Variants in CSMD2 observed in about 807,000 individuals in gnomAD.
The protein encoded by CSMD2 is CUB and sushi domain-containing protein 2.
CSMD2 carries 130 observed loss-of-function variants against 398.5 expected under a neutral mutation model. The ratio of observed to expected loss-of-function variants is 0.33; its 90% CI spans 0.28 to 0.38. The LOEUF is 0.38. Ranked by LOEUF, CSMD2 falls within the 10% of genes least tolerant of loss-of-function variation. The pLI, the probability that CSMD2 is intolerant of heterozygous loss-of-function variation, is 1.00. For missense variants in CSMD2, 3,829 were observed against 4,764.9 expected, an observed-to-expected ratio of 0.80 and a Z score of 5.78; for synonymous variants, 1,828 against 1,908.5, an observed-to-expected ratio of 0.96 and a Z score of 1.10.
At chr1:33,791,578 C>T (rs927971791) in intron 11 of CSMD2, among the ~76,000 whole-genome samples, 1 of 152,152 alleles carries the variant, frequency 6.6e-6, no homozygotes, top group Admixed American at 6.5e-5. Context: ...CTCAACCTCC[C>T]AGGCTCAAGC....
At chr1:33,712,716 C>T (rs1407470989) in intron 21 of CSMD2, among the ~76,000 whole-genome samples, 1 of 152,146 alleles carries the variant, frequency 6.6e-6, no homozygotes, top group Admixed American at 6.5e-5. Context: ...GAGAATTTCC[C>T]CCAGAACCAT....
At chr1:33,736,776 T>C (rs1270211024) in intron 15 of CSMD2, among the ~76,000 whole-genome samples, 2 of 152,156 alleles carry the variant, frequency 1.3e-5, no homozygotes, top group Non-Finnish European at 1.5e-5. Flanking sequence ...CCAAGGCCTG[T>C]GGAACTGGTA....
chr1:33,550,815 C>T (rs963727967), intron 55 of CSMD2, among the ~76,000 whole-genome samples: 3 of 152,198 alleles, frequency 2.0e-5, no homozygotes, highest in Non-Finnish European at 4.4e-5. Flanking sequence ...TTGTCCCCAA[C>T]CTGTCCCTCT....
chr1:33,694,513 G>A (rs1645351918), intron 24 of CSMD2, among the ~76,000 whole-genome samples: 1 of 152,122 alleles, frequency 6.6e-6, no homozygotes, highest in Admixed American at 6.5e-5. Flanking sequence ...CACGAGATCT[G>A]ATGGTTTTAT....
chr1:33,636,449 C>A lies in CSMD2; in HGVS notation c.4880G>T (p.Gly1627Val). ...GSSVTYYCHG[G>V]YEVEGTSTLS... is the part of the protein sequence containing the mutation. ...GGTCGAGGTGCCCTCAACTTCGTAGCCCCCGTGGCAGTAGTAGGTGACGGA... is the reference window on the plus strand; with the variant it reads ...GGTCGAGGTGCCCTCAACTTCGTAGACCCCGTGGCAGTAGTAGGTGACGGA... The change falls in exon 30 of 71, where the codon GGC (glycine) becomes GTC (valine). Residue 1627 changes from glycine (G) to valine (V), a missense_variant. Physicochemically the swap from Gly to Val is moderately radical, Grantham distance 109 (BLOSUM62 -3). This residue lies in a region of CSMD2 where 2,001 missense variants were observed against 2,567.1 expected (regional missense o/e 0.78). Coordinates refer to ENST00000373381, the MANE Select transcript of CSMD2 (RefSeq NM_001281956.2). The surrounding 1 kb of genome is among the most constrained non-coding windows in gnomAD (Gnocchi z 4.8). 6.2e-7 allele frequency: 1 copy of A among 1,614,172 alleles called. No homozygotes were observed. The highest frequency in any genetic ancestry group is 1.1e-5 in the South Asian group (1 of 91,078).
At position 33,646,832 on chromosome 1, in the gene CSMD2, A is replaced by G. The variant is rs1474338882; in HGVS notation, c.4590T>C (p.Phe1530=). The change falls in exon 29 of 71, where the codon TTT becomes TTC. Residue 1530 remains phenylalanine (F), a synonymous_variant. Coordinates refer to ENST00000373381, the MANE Select transcript of CSMD2 (RefSeq NM_001281956.2). ...GGAAGTCATAGCCAGGCTCCAGGTT[A>G]AAGCTGGGGAACAAAAACATCCCAC... The part of the protein sequence containing the change: ...DYVIALVFNI[F]NLEPGYDFLH... 12 of 1,608,434 alleles carry G rather than the reference A, an allele frequency of 7.5e-6. No individual in the cohort carries two copies. The highest frequency in any genetic ancestry group is 1.0e-5 in the Non-Finnish European group (12 of 1,177,010).
intron 22 of CSMD2, among the ~76,000 whole-genome samples, chr1:33,706,364 GTTCA>G (rs1171462569): frequency 6.6e-6 from 1 of 151,818 alleles, no homozygotes; most frequent in Non-Finnish European, 1.5e-5. Context: ...ACCATCTTCC[GTTCA>G]TTGCCTCCAT....
At chr1:33,764,168 T>C (rs550616109) in intron 13 of CSMD2, among the ~76,000 whole-genome samples, 2 of 152,292 alleles carry the variant, frequency 1.3e-5, no homozygotes, top group South Asian at 2.1e-4. Flanking sequence ...AGGACAAGAA[T>C]TGACTCCACC....
chr1:34,093,898 A>G (rs1460170317), intron 1 of CSMD2, among the ~76,000 whole-genome samples: 2 of 151,826 alleles, frequency 1.3e-5, no homozygotes, highest in East Asian at 1.9e-4. Context: ...GATTCAGGAA[A>G]TACAGAGAAC....
chr1:33,719,521 A>T (rs1227751330), intron 19 of CSMD2, among the ~76,000 whole-genome samples: 1 of 152,232 alleles, frequency 6.6e-6, no homozygotes, highest in African/African-American at 2.4e-5. Context: ...GAGAGGCCCC[A>T]TGTTGGAGTT....
chr1:33,804,589 G>T (rs778746856), intron 10 of CSMD2, among the ~76,000 whole-genome samples: 1 of 149,428 alleles, frequency 6.7e-6, no homozygotes. Context: ...TCACTCTTAC[G>T]TGCACACTCC....
intron 48 of CSMD2, among the ~76,000 whole-genome samples, 196 bp downstream of exon 48, chr1:33,580,557 G>A (rs1638621504): frequency 1.3e-5 from 2 of 152,178 alleles, no homozygotes; most frequent in Admixed American, 1.3e-4. Context: ...GAAGACAAAG[G>A]CTGGCAGTAT....
intron 51 of CSMD2, among the ~76,000 whole-genome samples, 155 bp from the exon 52 acceptor site, chr1:33,569,702 T>A (rs1659405107): frequency 6.6e-6 from 1 of 152,234 alleles, no homozygotes; most frequent in South Asian, 2.1e-4. Flanking sequence ...ACTTGTGTGA[T>A]GTGGCACCTC....
intron 3 of CSMD2, among the ~76,000 whole-genome samples, chr1:34,011,074 C>T (rs1037740907): frequency 8.5e-5 from 13 of 152,130 alleles, no homozygotes; most frequent in African/African-American, 3.1e-4. Flanking sequence ...CCCATGGTCC[C>T]GTGTCAACCC....
chr1:33,605,345 G>T lies in CSMD2; in HGVS notation c.6469C>A (p.Pro2157Thr). 2 of 1,614,158 alleles carry T rather than the reference G, an allele frequency of 1.2e-6. No homozygotes were observed. Among genetic ancestry groups the T allele is most frequent in the Non-Finnish European group, 8.5e-7 (1 of 1,180,036 alleles). Residue 2157 changes from proline to threonine, a missense_variant, in exon 42 of 71, where the codon CCT (proline) becomes ACT (threonine). Pro to Thr is a conservative substitution (Grantham distance 38). Coordinates refer to ENST00000373381, the MANE Select transcript of CSMD2 (RefSeq NM_001281956.2). ...GTGCCATGTTGACACGTGAGGACAG[G>T]GTGGCCAGTCAATTGATACCCCGGG... ...CLPGYQLTGH[P>T]VLTCQHGTNR...
chr1:33,992,876 C>CAAAAA (rs199827617), intron 3 of CSMD2, among the ~76,000 whole-genome samples: 1 of 61,834 alleles, frequency 1.6e-5, no homozygotes, highest in Admixed American at 1.6e-4. Flanking sequence ...GACTCCATCT[C>CAAAAA]AAAAAAAAAA....
rs1249877794 is a variant in CSMD2 at position 34,164,870 on chromosome 1, G to A, written c.187+41C>T. 1.6e-6 allele frequency: 2 copies of A among 1,216,482 alleles called. No homozygotes were observed. The highest frequency in any genetic ancestry group is 1.0e-6 in the Non-Finnish European group (1 of 978,026). The allele number at this position is 1,216,482 out of a possible 1,614,324, so 75.4% of individuals were successfully genotyped here. ...TGGGTGGGCTCGGGGCTCGGGTGGG[G>A]CGCGCGGCGGCCGCTGGCTCCTCGG... is the stretch of plus-strand genomic sequence containing the variant. On this transcript the variant is annotated intron_variant, in intron 1 of 70. Coordinates refer to ENST00000373381, the MANE Select transcript of CSMD2 (RefSeq NM_001281956.2). The surrounding 1 kb of genome is among the most constrained non-coding windows in gnomAD (Gnocchi z 6.2).
chr1:33,805,477 A>C (rs1300853281), intron 10 of CSMD2, among the ~76,000 whole-genome samples: 2 of 152,246 alleles, frequency 1.3e-5, no homozygotes, highest in East Asian at 3.8e-4. Flanking sequence ...TTAAAGTGTT[A>C]GGTAAAATTT....
At position 33,622,273 on chromosome 1, in the gene CSMD2, T is replaced by C; in HGVS notation, c.5723-2A>G. On this transcript the variant is annotated splice_acceptor_variant, in intron 36 of 70. Coordinates refer to ENST00000373381, the MANE Select transcript of CSMD2 (RefSeq NM_001281956.2). LOFTEE classifies it high-confidence loss of function. ...TCAGAAGGGCAGGCACGGTTGTTCC[T>C]AGGGCAAGGACACCAGGGAAAACCA... 1 of 1,611,404 alleles carries C rather than the reference T, an allele frequency of 6.2e-7. No individual in the cohort carries two copies. Among genetic ancestry groups the C allele is most frequent in the Non-Finnish European group, 8.5e-7 (1 of 1,177,606 alleles).
Sources: gnomAD v4.1 joint callset for allele counts (sites outside exome capture counted in the v4.1 genomes callset) on GRCh38, gnomAD v4.1.1 for gene constraint, gnomAD v4.1.1 regional missense constraint, Gnocchi (gnomAD v3.1) non-coding constraint, MANE v1.5 for transcripts, NCBI Gene and HGNC (gene_info 2026-07-23, HGNC 2026-07-21) for gene names.